FLYWCH1: variants seen among roughly 807,000 people sequenced by gnomAD.
FLYWCH1 encodes FLYWCH-type zinc finger-containing protein 1.
Under a neutral mutation model 66.4 loss-of-function variants are expected in FLYWCH1, and 75 were observed. The observed-to-expected ratio is 1.13, with a 90% CI of 0.94 to 1.37. The LOEUF is 1.37. Among genes scored for constraint, FLYWCH1 ranks in the 40% most tolerant of loss-of-function variants. The probability of loss-of-function intolerance (pLI) is 0.00; values close to 1 mark genes in which losing one functional copy is unlikely to be tolerated. For missense variants in FLYWCH1, 1,334 were observed against 1,001.8 expected, an observed-to-expected ratio of 1.33 and a Z score of -4.48; for synonymous variants, 595 against 429.9, an observed-to-expected ratio of 1.38 and a Z score of -4.75.
intron 9 of FLYWCH1, among the ~76,000 whole-genome samples, chr16:2,943,090 C>A (rs1050237268): frequency 3.9e-5 from 6 of 152,160 alleles, no homozygotes; most frequent in African/African-American, 1.4e-4. Flanking sequence ...CTATACAAAT[C>A]ATGTGATATT....
intron 9 of FLYWCH1, among the ~76,000 whole-genome samples, chr16:2,941,446 G>A (rs533462161): frequency 1.3e-5 from 2 of 152,094 alleles, no homozygotes; most frequent in Non-Finnish European, 2.9e-5. Flanking sequence ...GTGAGACCTC[G>A]TCTCTGCCAA....
At position 2,929,906 on chromosome 16, in the gene FLYWCH1, C is replaced by G; in HGVS notation, c.221C>G (p.Ala74Gly). Residue 74 changes from alanine (A) to glycine (G), a missense_variant, in exon 3 of 10, where the codon GCC (alanine) becomes GGC (glycine). Transcript: ENST00000253928. ...CVLSLEMAGPATLASTLQILP... is the reference protein window; with the variant it reads ...CVLSLEMAGPGTLASTLQILP... ...CTGTCCCTGGAGATGGCTGGCCCCG[C>G]CACCCTCGCCAGCACCTTGCAGATC... 1.2e-6 allele frequency: 2 copies of G among 1,613,726 alleles called. No individual in the cohort carries two copies. Among genetic ancestry groups the G allele is most frequent in the Non-Finnish European group, 1.7e-6 (2 of 1,179,870 alleles).
intron 9 of FLYWCH1, among the ~76,000 whole-genome samples, chr16:2,944,142 T>C (rs915103959): frequency 1.3e-5 from 2 of 151,856 alleles, no homozygotes; most frequent in African/African-American, 4.8e-5. Context: ...ATCCCAGCAC[T>C]CTGGGAGGCT....
Position 2,937,254 on chromosome 16 carries a change from C to T in FLYWCH1, c.1647C>T (p.Arg549=). The change falls in exon 7 of 10, where the codon CGC becomes CGT. Residue 549 remains arginine, a synonymous_variant. Coordinates refer to ENST00000253928, the MANE Select transcript of FLYWCH1 (RefSeq NM_001308068.2). Reference sequence around the variant, plus strand: ...GGGACCAGGCCCGCATGGGCTGCCGCAGCCGCGCCATCACCCAGGGCCGGC... The same window carrying T: ...GGGACCAGGCCCGCATGGGCTGCCGTAGCCGCGCCATCACCCAGGGCCGGC... ...TCRDQARMGC[R]SRAITQGRRV... The T allele has an allele frequency of 6.2e-7, 1 of 1,606,400 alleles. No individual in the cohort carries two copies. The highest frequency in any genetic ancestry group is 1.1e-5 in the South Asian group (1 of 90,296).
intron 2 of FLYWCH1, chr16:2,923,131 G>A: frequency 2.5e-6 from 1 of 397,262 alleles, no homozygotes; most frequent in Non-Finnish European, 4.8e-6. Context: ...TTGTGTGGCT[G>A]TGGACGCCTT....
At chr16:2,945,733 C>G (rs926892759) in intron 9 of FLYWCH1, among the ~76,000 whole-genome samples, 1 of 151,814 alleles carries the variant, frequency 6.6e-6, no homozygotes, top group Admixed American at 6.6e-5. Context: ...TGCGGTGGCT[C>G]ATGCCTGTAA....
chr16:2,933,798 T>A lies in FLYWCH1; in HGVS notation c.1332T>A (p.Ala444=). The change falls in exon 6 of 10, where the codon GCT becomes GCA. Residue 444 remains alanine, a synonymous_variant. Coordinates refer to ENST00000253928, the MANE Select transcript of FLYWCH1 (RefSeq NM_001308068.2). ...TCCTCTACCGGCGGGAGAAGGCGGCTGGGGAGAAGGTGTATTGGACCTGCC... is the reference window on the plus strand; with the variant it reads ...TCCTCTACCGGCGGGAGAAGGCGGCAGGGGAGAAGGTGTATTGGACCTGCC... ...ESFLYRREKA[A]GEKVYWTCRD... The A allele has an allele frequency of 6.2e-7, 1 of 1,607,050 alleles. No homozygotes were observed. Among genetic ancestry groups the A allele is most frequent in the East Asian group, 2.3e-5 (1 of 44,398 alleles).
At chr16:2,931,990 C>A (rs994435327) in intron 4 of FLYWCH1, among the ~76,000 whole-genome samples, 21 of 151,838 alleles carry the variant, frequency 1.4e-4, no homozygotes, top group Non-Finnish European at 1.6e-4. Context: ...TGGTAGCGGG[C>A]GCCTGTAGTC....
rs998781819 is a variant in FLYWCH1 at position 2,950,497 on chromosome 16, G to A, written c.*1770G>A. ...AGCTCTCCACATGCCCAAGATACGA[G>A]AGAAACGCCCGGGTCACAGCAGCCT... On this transcript the variant is annotated 3_prime_UTR_variant, in exon 10 of 10. Transcript: ENST00000253928. 2.0e-5 allele frequency: 3 copies of A among 152,470 alleles called. No homozygotes were observed. Among genetic ancestry groups the A allele is most frequent in the Non-Finnish European group, 2.9e-5 (2 of 68,262 alleles). 9.4% of individuals were successfully genotyped at this position (152,470 alleles called of 1,614,324 possible).
rs565351109 is a variant in FLYWCH1 at position 2,922,961 on chromosome 16, C to T, written c.-73-6652C>T. 657 of 522,758 alleles carry T rather than the reference C, an allele frequency of 1.3e-3. 1 individual carries two copies. The highest frequency in any genetic ancestry group is 2.0e-3 in the Middle Eastern group (6 of 3,036). The allele number at this position is 522,758 out of a possible 1,614,324, so 32.4% of individuals were successfully genotyped here. A position where few individuals can be genotyped will look rare whatever the true frequency, so the allele number is the denominator to read the frequency against. ...CTTCCGAGGATATTTGGGCTGCCTC[C>T]GGAGTCGCAGTGTCTTGGGCTGCCA... is the stretch of plus-strand genomic sequence containing the variant. On this transcript the variant is annotated intron_variant, in intron 2 of 9. Transcript: ENST00000253928.
Position 2,933,425 on chromosome 16 carries a change from G to A in FLYWCH1, c.1092G>A (p.Thr364=), listed in dbSNP as rs116358574. 5.6e-4 allele frequency: 900 copies of A among 1,600,908 alleles called. 6 individuals are homozygous for A. In the African/African-American group the frequency reaches 0.01, roughly 18 times the overall value. Residue 364 remains threonine (T), a synonymous_variant, in exon 5 of 10, where the codon ACG becomes ACA. Coordinates refer to ENST00000253928, the MANE Select transcript of FLYWCH1 (RefSeq NM_001308068.2). ...GQDGPGSQVD[T]LLRGVDSLLY... ...ACGGCCCTGGGAGCCAAGTGGACAC[G>A]CTGCTCCGAGGCGTGGATAGTTTGC...
chr16:2,933,415 A>C lies in FLYWCH1; in HGVS notation c.1082A>C (p.Gln361Pro), dbSNP rs927493619. The change falls in exon 5 of 10, where the codon CAA becomes CCA. Residue 361 changes from glutamine (Q) to proline (P), a missense_variant. Physicochemically the swap from Gln to Pro is moderately conservative, Grantham distance 76. Transcript: ENST00000253928. ...LQAGQDGPGS[Q>P]VDTLLRGVDS... is the part of the protein sequence containing the mutation. ...GCTGGGCAGGACGGCCCTGGGAGCC[A>C]AGTGGACACGCTGCTCCGAGGCGTG... 10 of 1,601,566 alleles carry C rather than the reference A, an allele frequency of 6.2e-6. No individual in the cohort carries two copies. The highest frequency in any genetic ancestry group is 2.3e-5 in the East Asian group (1 of 44,226).
chr16:2,929,981 C>G lies in FLYWCH1; in HGVS notation c.296C>G (p.Pro99Arg). ...GGVVQPALEM[P>R]EQKCSKLDAA... Reference sequence around the variant, plus strand: ...GTGGTCCAGCCAGCCCTAGAGATGCCTGAACAGAAGTGCAGCAAGCTGGAT... The same window carrying G: ...GTGGTCCAGCCAGCCCTAGAGATGCGTGAACAGAAGTGCAGCAAGCTGGAT... The change falls in exon 3 of 10, where the codon CCT (proline) becomes CGT (arginine). Residue 99 changes from proline to arginine, a missense_variant. Pro to Arg is a moderately radical substitution (Grantham distance 103). Transcript: ENST00000253928. 2.5e-6 allele frequency: 4 copies of G among 1,609,310 alleles called. No individual in the cohort carries two copies. The highest frequency in any genetic ancestry group is 3.4e-6 in the Non-Finnish European group (4 of 1,176,602).
intron 9 of FLYWCH1, among the ~76,000 whole-genome samples, chr16:2,940,541 T>A (rs2071217806): frequency 6.6e-6 from 1 of 152,196 alleles, no homozygotes; most frequent in African/African-American, 2.4e-5. Context: ...GTTCAAGCAA[T>A]TCTCCTGTCT....
At position 2,933,613 on chromosome 16, in the gene FLYWCH1, C is replaced by G; in HGVS notation, c.1249+31C>G. 4 of 1,566,412 alleles carry G rather than the reference C, an allele frequency of 2.6e-6. 1 individual carries two copies. The highest frequency in any genetic ancestry group is 3.5e-6 in the Non-Finnish European group (4 of 1,155,998). On this transcript the variant is annotated intron_variant, in intron 5 of 9. Coordinates refer to ENST00000253928, the MANE Select transcript of FLYWCH1 (RefSeq NM_001308068.2). ...CTGCCTTCCTTTGGGGCTCACCGGCCCTGCCTTGACTCTTGCCTCCAGAGG... is the reference window on the plus strand; with the variant it reads ...CTGCCTTCCTTTGGGGCTCACCGGCGCTGCCTTGACTCTTGCCTCCAGAGG...
intron 2 of FLYWCH1, among the ~76,000 whole-genome samples, chr16:2,919,056 C>T (rs1430843948): frequency 6.6e-6 from 1 of 151,542 alleles, no homozygotes; most frequent in Non-Finnish European, 1.5e-5. Flanking sequence ...CTGCCTCCAC[C>T]TCCCAAGTAG....
intron 8 of FLYWCH1, 49 bp downstream of exon 8, chr16:2,938,505 C>G (rs771272550): frequency 6.7e-7 from 1 of 1,490,484 alleles, no homozygotes; most frequent in Non-Finnish European, 8.9e-7. Flanking sequence ...ATCCTCATCT[C>G]TTCCAGCTCA....
rs71158122 is a variant in FLYWCH1 at position 2,920,840 on chromosome 16, C to CTTT, written c.-74+6570_-74+6572dup. 3.8e-3 allele frequency among the ~76,000 whole-genome samples: 267 copies of CTTT among 70,430 alleles called. 9 individuals carry two copies. The highest frequency in any genetic ancestry group is 4.7e-3 in the Non-Finnish European group (172 of 36,472). 46.2% of individuals were successfully genotyped at this position (70,430 alleles called of 152,430 possible). A position where few individuals can be genotyped will look rare whatever the true frequency, so the allele number is the denominator to read the frequency against. On this transcript the variant is annotated intron_variant, in intron 2 of 9. Transcript: ENST00000253928. ...ACAGGCGTGAGCCACAACGCCTGGCCTTTTTTTTTTTTTTTTTTTTTGAGA... is the reference window on the plus strand; with the variant it reads ...ACAGGCGTGAGCCACAACGCCTGGCCTTTTTTTTTTTTTTTTTTTTTTTTGAGA...
chr16:2,927,622 G>T (rs564485727), intron 2 of FLYWCH1, among the ~76,000 whole-genome samples: 1 of 152,310 alleles, frequency 6.6e-6, no homozygotes, highest in African/African-American at 2.4e-5. Flanking sequence ...GGGGGGAAAT[G>T]TTATAATTGT....
Sources: allele counts gnomAD v4.1 joint callset (sites outside exome capture counted in the v4.1 genomes callset), GRCh38; gene constraint gnomAD v4.1.1; transcripts MANE v1.5; gene names NCBI Gene and HGNC (gene_info 2026-07-23, HGNC 2026-07-21).